The following NIPAL2 variants were observed in gnomAD, a reference collection of about 807,000 sequenced individuals.
The protein encoded by NIPAL2 is NIPA like domain containing 2.
A neutral mutation model predicts 48.9 loss-of-function variants in NIPAL2; 43 were observed. That is an observed-to-expected ratio of 0.88 (90% CI 0.69 to 1.13). The LOEUF is 1.13. Ranked by LOEUF, NIPAL2 falls within the 50% of genes most tolerant of loss-of-function variation. The pLI, the probability that NIPAL2 is intolerant of heterozygous loss-of-function variation, is 0.00. For missense variants in NIPAL2, 446 were observed against 461.4 expected (o/e 0.97, Z 0.31); for synonymous variants, 167 against 174.6 (o/e 0.96, Z 0.34).
At chr8:98,292,744 A>G (rs1040733451) in intron 1 of NIPAL2, among the ~76,000 whole-genome samples, 1 of 130,220 alleles carries the variant, frequency 7.7e-6, no homozygotes, top group African/African-American at 2.9e-5. Flanking sequence ...TTTTTTTTTA[A>G]TCAAGAGGGG....
intron 1 of NIPAL2, among the ~76,000 whole-genome samples, chr8:98,268,061 C>T (rs572377563): frequency 1.3e-5 from 2 of 152,236 alleles, no homozygotes; most frequent in African/African-American, 4.8e-5. Flanking sequence ...TAAACTGTAC[C>T]TGAGTGAATC....
intron 5 of NIPAL2, among the ~76,000 whole-genome samples, chr8:98,215,919 A>T (rs998040827): frequency 6.6e-6 from 1 of 152,204 alleles, no homozygotes; most frequent in Non-Finnish European, 1.5e-5. Flanking sequence ...TTAATTTTGC[A>T]TCAACCTAAT....
At chr8:98,213,374 T>C (rs975636338) in intron 5 of NIPAL2, among the ~76,000 whole-genome samples, 2 of 152,238 alleles carry the variant, frequency 1.3e-5, no homozygotes, top group African/African-American at 4.8e-5. Flanking sequence ...TTGCTTTTTT[T>C]CACCATGTAT....
At chr8:98,203,846 CTGTGTGTGTGTG>C (rs143170810) in intron 7 of NIPAL2, among the ~76,000 whole-genome samples, 1 of 146,726 alleles carries the variant, frequency 6.8e-6, no homozygotes. Flanking sequence ...TGGGTAGAGC[CTGTGTGTGTGTG>C]TGTGTGTGTG....
At chr8:98,195,350 G>A (rs1489399777) in intron 9 of NIPAL2, among the ~76,000 whole-genome samples, 1 of 152,092 alleles carries the variant, frequency 6.6e-6, no homozygotes, top group Admixed American at 6.6e-5. Context: ...TCAAGGAGCA[G>A]CTAAACATTT....
At chr8:98,224,694 A>G (rs1447435036) in intron 4 of NIPAL2, among the ~76,000 whole-genome samples, 2 of 151,652 alleles carry the variant, frequency 1.3e-5, no homozygotes, top group African/African-American at 2.4e-5. Flanking sequence ...CTGCATTTCA[A>G]AACTTTTTAA....
intron 3 of NIPAL2, among the ~76,000 whole-genome samples, chr8:98,243,446 G>A (rs752597087): frequency 2.0e-5 from 3 of 152,194 alleles, no homozygotes; most frequent in African/African-American, 4.8e-5. Flanking sequence ...CGAGGTATGT[G>A]TCTTGGTGTT....
chr8:98,231,899 A>G (rs1193622782), intron 4 of NIPAL2: 1 of 152,188 alleles, frequency 6.6e-6, no homozygotes, highest in Non-Finnish European at 1.5e-5. Context: ...ACACATTTTG[A>G]TAATTTAATT....
At chr8:98,279,866 G>A (rs73698771) in intron 1 of NIPAL2, among the ~76,000 whole-genome samples, 2,556 of 152,292 alleles carry the variant, frequency 0.017, 66 homozygotes, top group African/African-American at 0.058. Context: ...AGTGCTCACT[G>A]TTGTCACCAC....
chr8:98,257,337 T>C (rs1813954906), intron 1 of NIPAL2, among the ~76,000 whole-genome samples: 2 of 122,380 alleles, frequency 1.6e-5, no homozygotes, highest in Non-Finnish European at 3.7e-5. Flanking sequence ...ATATATTTTT[T>C]TCTTTCTTTC....
chr8:98,194,814 A>G lies in NIPAL2; in HGVS notation c.953T>C (p.Leu318Pro). 2 of 1,560,158 alleles carry G rather than the reference A, an allele frequency of 1.3e-6. No homozygotes were observed. Among genetic ancestry groups the G allele is most frequent in the Non-Finnish European group, 1.7e-6 (2 of 1,156,060 alleles). ...TVFIYLFGCFLSFLGVFLVTR... is the reference protein window; with the variant it reads ...TVFIYLFGCFPSFLGVFLVTR... ...GACCAAAAATACACCAAGGAATGAC[A>G]GAAAACACCTGTAAGGATAATATTA... is the stretch of plus-strand genomic sequence containing the variant. Residue 318 changes from leucine to proline, a missense_variant, in exon 10 of 11, where the codon CTG becomes CCG. Transcript: ENST00000430223.
chr8:98,242,491 T>TTTTGTTTTTTG (rs1037567916), intron 3 of NIPAL2, among the ~76,000 whole-genome samples: 1 of 141,212 alleles, frequency 7.1e-6, no homozygotes, highest in Non-Finnish European at 1.5e-5. Context: ...CTGACAGATT[T>TTTTGTTTTTTG]TTTTTTTTTT....
chr8:98,221,223 G>T (rs959304254), intron 5 of NIPAL2, among the ~76,000 whole-genome samples: 1 of 151,722 alleles, frequency 6.6e-6, no homozygotes, highest in Non-Finnish European at 1.5e-5. Context: ...TGATCTGCCC[G>T]CCTCGGCCTC....
intron 5 of NIPAL2, among the ~76,000 whole-genome samples, chr8:98,219,430 C>A (rs1226917959): frequency 6.6e-6 from 1 of 152,072 alleles, no homozygotes; most frequent in South Asian, 2.1e-4. Flanking sequence ...AGAAGAGAGA[C>A]AGGGAAAACA....
At chr8:98,218,822 G>T in intron 5 of NIPAL2, among the ~76,000 whole-genome samples, 1 of 152,202 alleles carries the variant, frequency 6.6e-6, no homozygotes, top group East Asian at 1.9e-4. Context: ...GAGGCAGACA[G>T]GTACAACAGC....
chr8:98,292,623 C>T (rs1225043451), intron 1 of NIPAL2, among the ~76,000 whole-genome samples: 1 of 152,036 alleles, frequency 6.6e-6, no homozygotes, highest in African/African-American at 2.4e-5. Context: ...ACAGCCAAGA[C>T]AATCAAGAAT....
intron 5 of NIPAL2, among the ~76,000 whole-genome samples, chr8:98,220,556 A>C (rs896534142): frequency 2.0e-5 from 3 of 151,982 alleles, no homozygotes; most frequent in Non-Finnish European, 2.9e-5. Context: ...CTGCAGGTGC[A>C]TACTACCATG....
At chr8:98,194,915 A>C in intron 9 of NIPAL2, 93 bp from the exon 10 acceptor site, 1 of 656,510 alleles carries the variant, frequency 1.5e-6, no homozygotes, top group Non-Finnish European at 2.4e-6. Context: ...GATGACATAA[A>C]TCCCATTGGT....
intron 1 of NIPAL2, among the ~76,000 whole-genome samples, chr8:98,279,425 T>C (rs1815666449): frequency 6.6e-6 from 1 of 152,242 alleles, no homozygotes; most frequent in Non-Finnish European, 1.5e-5. Context: ...CATCATTACT[T>C]ATTCAGCACA....
Sources: gnomAD v4.1 joint callset for allele counts (sites outside exome capture counted in the v4.1 genomes callset) on GRCh38, gnomAD v4.1.1 for gene constraint, MANE v1.5 for transcripts, NCBI Gene and HGNC (gene_info 2026-07-23, HGNC 2026-07-21) for gene names.